KCND3: variants seen among roughly 807,000 people sequenced by gnomAD.
KCND3 encodes the protein potassium voltage-gated channel subfamily D member 3, also known as A-type voltage-gated potassium channel KCND3.
Under a neutral mutation model 51.1 loss-of-function variants are expected in KCND3, and 9 were observed. That is an observed-to-expected ratio of 0.18 (90% CI 0.11 to 0.31). The LOEUF (loss-of-function observed/expected upper bound fraction) is 0.31, where lower values mean the gene tolerates loss of function less well. Among genes scored for constraint, KCND3 ranks in the 10% least tolerant of loss-of-function variants. KCND3 has a pLI of 1.00. For missense variants in KCND3, 526 were observed against 903.8 expected (o/e 0.58, Z 5.36); for synonymous variants, 349 against 368.0 (o/e 0.95, Z 0.59).
At chr1:111,838,265 C>T (rs1667158745) in intron 2 of KCND3, among the ~76,000 whole-genome samples, 1 of 152,208 alleles carries the variant, frequency 6.6e-6, no homozygotes, top group Non-Finnish European at 1.5e-5. Flanking sequence ...CCTATCACTC[C>T]AGGTGGTGGA....
At chr1:111,791,170 G>T (rs1664808511) in intron 2 of KCND3, among the ~76,000 whole-genome samples, 1 of 152,212 alleles carries the variant, frequency 6.6e-6, no homozygotes, top group Admixed American at 6.5e-5. Flanking sequence ...CAATGAATGA[G>T]GGGTCCAATT....
intron 2 of KCND3, among the ~76,000 whole-genome samples, chr1:111,846,994 C>T (rs1667579103): frequency 2.0e-5 from 3 of 152,204 alleles, no homozygotes; most frequent in Admixed American, 1.3e-4. Flanking sequence ...GCACCTTTTG[C>T]TTCCATATTC....
At chr1:111,859,495 C>T (rs1668239271) in intron 2 of KCND3, among the ~76,000 whole-genome samples, 1 of 152,224 alleles carries the variant, frequency 6.6e-6, no homozygotes, top group Non-Finnish European at 1.5e-5. Context: ...CACCGGGGCC[C>T]AGAAGGCAAA....
Position 111,954,573 on chromosome 1 carries a change from G to A in KCND3, c.1106+27048C>T, listed in dbSNP as rs61790261. Among the ~76,000 whole-genome samples the A allele has an allele frequency of 8.2e-3, 1,253 of 152,348 alleles. 6 individuals are homozygous for A. The highest frequency in any genetic ancestry group is 0.024 in the Middle Eastern group (7 of 294). ...GAAGTTGCTTTCTGATTATACCAAA[G>A]AGTTGTGCTTGTTCCATTCTCCCAA... On this transcript the variant is annotated intron_variant, in intron 2 of 7. Coordinates refer to ENST00000302127, the MANE Select transcript of KCND3 (RefSeq NM_001378969.1).
At chr1:111,918,697 A>C (rs1483727183) in intron 2 of KCND3, among the ~76,000 whole-genome samples, 1 of 152,188 alleles carries the variant, frequency 6.6e-6, no homozygotes, top group Non-Finnish European at 1.5e-5. Flanking sequence ...ATGGAGCCCA[A>C]ATAAAAAACA....
intron 2 of KCND3, among the ~76,000 whole-genome samples, chr1:111,839,255 C>A (rs532330019): frequency 2.6e-5 from 4 of 152,290 alleles, no homozygotes; most frequent in African/African-American, 9.6e-5. Flanking sequence ...CCTGAGACAC[C>A]AAGTATTTGG....
At chr1:111,813,110 C>T (rs1665930730) in intron 2 of KCND3, among the ~76,000 whole-genome samples, 1 of 152,044 alleles carries the variant, frequency 6.6e-6, no homozygotes, top group South Asian at 2.1e-4. Flanking sequence ...GAGGAGTTTG[C>T]CTGGAGGCCA....
intron 2 of KCND3, among the ~76,000 whole-genome samples, chr1:111,874,882 C>A (rs955999987): frequency 6.6e-6 from 1 of 152,214 alleles, no homozygotes; most frequent in Non-Finnish European, 1.5e-5. Context: ...TCAAACATCT[C>A]GCTCCAGGCT....
chr1:111,782,441 C>T (rs1664428564), intron 3 of KCND3, among the ~76,000 whole-genome samples: 1 of 151,876 alleles, frequency 6.6e-6, no homozygotes, highest in African/African-American at 2.4e-5. Context: ...GCAAATCAGC[C>T]CTATCATTCC....
chr1:111,938,696 G>A (rs1024912359), intron 2 of KCND3, among the ~76,000 whole-genome samples: 10 of 152,196 alleles, frequency 6.6e-5, no homozygotes, highest in Admixed American at 5.9e-4. Flanking sequence ...CAAAGGCCCT[G>A]AGGCAGGAAC....
intron 2 of KCND3, among the ~76,000 whole-genome samples, chr1:111,817,543 G>C (rs1666155019): frequency 2.6e-5 from 4 of 152,164 alleles, no homozygotes; most frequent in Admixed American, 2.6e-4. Flanking sequence ...AAGGAAAAAT[G>C]ACTGAAAAAA....
intron 2 of KCND3, among the ~76,000 whole-genome samples, chr1:111,900,071 C>A (rs1670312436): frequency 6.6e-6 from 1 of 152,130 alleles, no homozygotes; most frequent in Non-Finnish European, 1.5e-5. Context: ...TTGCCTGGGA[C>A]CTGTAAGCAT....
At chr1:111,833,864 A>G (rs1330417521) in intron 2 of KCND3, among the ~76,000 whole-genome samples, 1 of 152,238 alleles carries the variant, frequency 6.6e-6, no homozygotes, top group Non-Finnish European at 1.5e-5. Context: ...AGAAACTGAA[A>G]AAGAAAGAAT....
intron 2 of KCND3, among the ~76,000 whole-genome samples, chr1:111,870,822 C>T (rs949479327): frequency 5.3e-5 from 8 of 152,218 alleles, no homozygotes; most frequent in Admixed American, 2.6e-4. Flanking sequence ...CTGTGCAAAG[C>T]ATATGTGGGA....
intron 2 of KCND3, among the ~76,000 whole-genome samples, chr1:111,852,370 G>A (rs1440894175): frequency 6.6e-6 from 1 of 152,244 alleles, no homozygotes; most frequent in Non-Finnish European, 1.5e-5. Flanking sequence ...TGCCTAGCAG[G>A]TGGGGAGTCC....
intron 2 of KCND3, among the ~76,000 whole-genome samples, chr1:111,980,906 C>G (rs185316881): frequency 1.3e-5 from 2 of 152,302 alleles, no homozygotes; most frequent in Admixed American, 1.3e-4. Flanking sequence ...GCTTCTGTGT[C>G]TGACCACATG....
chr1:111,964,561 TG>T (rs1366045434), intron 2 of KCND3, among the ~76,000 whole-genome samples: 3 of 151,940 alleles, frequency 2.0e-5, no homozygotes, highest in African/African-American at 7.3e-5. Flanking sequence ...GTGACCACAA[TG>T]GGAAGCACAG....
At chr1:111,809,644 A>G (rs1425546204) in intron 2 of KCND3, among the ~76,000 whole-genome samples, 1 of 149,258 alleles carries the variant, frequency 6.7e-6, no homozygotes, top group Non-Finnish European at 1.5e-5. Flanking sequence ...AAATTGTCAC[A>G]TTTCCCGTGT....
chr1:111,794,723 A>T (rs559942568), intron 2 of KCND3, among the ~76,000 whole-genome samples: 1 of 152,328 alleles, frequency 6.6e-6, no homozygotes, highest in African/African-American at 2.4e-5. Flanking sequence ...ACAGTAGACC[A>T]TCATGGAAGA....
Sources: allele counts gnomAD v4.1 joint callset (sites outside exome capture counted in the v4.1 genomes callset), GRCh38; gene constraint gnomAD v4.1.1; transcripts MANE v1.5; gene names NCBI Gene and HGNC (gene_info 2026-07-23, HGNC 2026-07-21).